Variants in DHX34 observed in about 807,000 individuals in gnomAD.
DHX34 encodes probable ATP-dependent RNA helicase DHX34.
DHX34 carries 96 observed loss-of-function variants against 111.1 expected under a neutral mutation model. The ratio of observed to expected loss-of-function variants is 0.86; its 90% CI spans 0.73 to 1.02. The LOEUF is 1.02. Ranked by LOEUF, DHX34 falls within the 50% of genes least tolerant of loss-of-function variation. DHX34 has a pLI of 0.00. For missense variants in DHX34, 1,560 were observed against 1,579.9 expected, an observed-to-expected ratio of 0.99 and a Z score of 0.21; for synonymous variants, 688 against 670.4, an observed-to-expected ratio of 1.03 and a Z score of -0.41.
intron 13 of DHX34, among the ~76,000 whole-genome samples, chr19:47,379,237 G>A (rs770617531): frequency 1.4e-4 from 21 of 152,054 alleles, no homozygotes; most frequent in East Asian, 3.8e-4. Flanking sequence ...TACCATCCCC[G>A]GTCCCCAAAC....
At chr19:47,356,650 A>G (rs1568395110) in intron 3 of DHX34, among the ~76,000 whole-genome samples, 6 of 151,404 alleles carry the variant, frequency 4.0e-5, no homozygotes, top group Non-Finnish European at 8.8e-5. Flanking sequence ...AAGAAAGAAA[A>G]GAAAGAGAGA....
chr19:47,360,547 C>A (rs553936995), intron 5 of DHX34, among the ~76,000 whole-genome samples: 3 of 150,452 alleles, frequency 2.0e-5, no homozygotes, highest in Non-Finnish European at 3.0e-5. Flanking sequence ...GACGCCCTCA[C>A]CTCATTTCAG....
intron 16 of DHX34, 111 bp downstream of exon 16, chr19:47,381,435 C>G (rs1958478184): frequency 1.4e-6 from 2 of 1,441,698 alleles, no homozygotes; most frequent in African/African-American, 2.9e-5. Context: ...CTGACGACCT[C>G]CACCCGCTGG....
At chr19:47,369,554 A>C (rs1360847424) in intron 7 of DHX34, among the ~76,000 whole-genome samples, 3 of 152,202 alleles carry the variant, frequency 2.0e-5, no homozygotes, top group Non-Finnish European at 4.4e-5. Flanking sequence ...CACATGTAAC[A>C]GGGGAGATGG....
intron 13 of DHX34, 200 bp from the exon 14 acceptor site, chr19:47,379,510 C>T (rs1970280882): frequency 1.1e-6 from 1 of 900,426 alleles, no homozygotes; most frequent in Non-Finnish European, 1.3e-6. Flanking sequence ...AGCCCCCTTC[C>T]CTGACTCAGC....
chr19:47,362,128 G>A (rs1014972245), intron 5 of DHX34, among the ~76,000 whole-genome samples: 2 of 151,866 alleles, frequency 1.3e-5, no homozygotes, highest in African/African-American at 4.8e-5. Flanking sequence ...TTAGCCGGGT[G>A]TGTTGGTGTG....
chr19:47,371,250 G>A (rs1270639724), intron 7 of DHX34, among the ~76,000 whole-genome samples: 2 of 152,208 alleles, frequency 1.3e-5, no homozygotes, highest in African/African-American at 2.4e-5. Context: ...CCTGAGGGCT[G>A]GGGGCAGGTG....
chr19:47,379,320 T>C (rs1222824235), intron 13 of DHX34, among the ~76,000 whole-genome samples: 2 of 151,724 alleles, frequency 1.3e-5, no homozygotes, highest in Non-Finnish European at 3.0e-5. Context: ...CAACATCTTA[T>C]GAGCCACAGC....
chr19:47,366,546 G>T (rs1213074591), intron 6 of DHX34, among the ~76,000 whole-genome samples: 1 of 151,572 alleles, frequency 6.6e-6, no homozygotes, highest in African/African-American at 2.4e-5. Context: ...CTCCCAAAGT[G>T]CTAGGATTAC....
Position 47,357,997 on chromosome 19 carries a change from C to T in DHX34, c.1149C>T (p.Val383=), listed in dbSNP as rs1239279308. ...CTGAGGAGCGGGGTGACCTCCTCGT[C>T]TTCCTCAGCGGCATGGCGGAGATCA... ...YPPEERGDLL[V]FLSGMAEISA... The change falls in exon 4 of 17, where the codon GTC becomes GTT. Residue 383 remains valine, a synonymous_variant. Transcript: ENST00000328771. The T allele has an allele frequency of 6.2e-7, 1 of 1,613,888 alleles. No homozygotes were observed. Among genetic ancestry groups the T allele is most frequent in the East Asian group, 2.2e-5 (1 of 44,890 alleles).
At chr19:47,378,570 C>T (rs1311385641) in intron 13 of DHX34, among the ~76,000 whole-genome samples, 6 of 152,220 alleles carry the variant, frequency 3.9e-5, no homozygotes, top group African/African-American at 1.4e-4. Flanking sequence ...CAGCTCACAC[C>T]TGGAATCCCA....
In DHX34 at chr19:47,352,895, A is replaced by G. The variant is rs971854050; in HGVS notation, c.-136A>G. On this transcript the variant is annotated 5_prime_UTR_variant, in exon 2 of 17. Coordinates refer to ENST00000328771, the MANE Select transcript of DHX34 (RefSeq NM_014681.6). ...GTGGTGGTCCTGTGCCGTGACCAGG[A>G]GGAAAAATTAGCTCTTTGAAGAGAA... 18 of 1,443,118 alleles carry G rather than the reference A, an allele frequency of 1.2e-5. No homozygotes were observed. The highest frequency in any genetic ancestry group is 2.8e-5 in the Admixed American group (1 of 35,334). 89.4% of individuals were successfully genotyped at this position (1,443,118 alleles called of 1,614,324 possible). A position where few individuals can be genotyped will look rare whatever the true frequency, so the allele number is the denominator to read the frequency against.
rs753087064 is a variant in DHX34 at position 47,362,744 on chromosome 19, G to A, written c.1593+51G>A. The A allele has an allele frequency of 4.0e-6, 6 of 1,482,618 alleles. No individual in the cohort carries two copies. In the African/African-American group the frequency reaches 8.6e-5, roughly 21 times the overall value. 91.8% of individuals were successfully genotyped at this position (1,482,618 alleles called of 1,614,324 possible). On this transcript the variant is annotated intron_variant, in intron 6 of 16. Coordinates refer to ENST00000328771, the MANE Select transcript of DHX34 (RefSeq NM_014681.6). ...ATATCCTAACTGCTGGCACAGGGAG[G>A]AACCTGGGAGGCCTTTTTTATTTTA... is the stretch of plus-strand genomic sequence containing the variant.
chr19:47,372,623 G>T lies in DHX34; in HGVS notation c.1769-107G>T, dbSNP rs973555787. ...AAGACCCTTAGTGGGCAAGATGGAGGGGGTGGGAGCAGGAGGGCAGGCGGG... is the reference window on the plus strand; with the variant it reads ...AAGACCCTTAGTGGGCAAGATGGAGTGGGTGGGAGCAGGAGGGCAGGCGGG... On this transcript the variant is annotated intron_variant, in intron 7 of 16. Transcript: ENST00000328771. The T allele has an allele frequency of 4.9e-6, 7 of 1,442,882 alleles. No individual in the cohort carries two copies. In the African/African-American group the frequency reaches 5.9e-5, roughly 12 times the overall value. 89.4% of individuals were successfully genotyped at this position (1,442,882 alleles called of 1,614,324 possible).
rs549329840 is a variant in DHX34 at position 47,375,554 on chromosome 19, G to A, written c.2153G>A (p.Arg718His). Residue 718 changes from arginine (R) to histidine (H), a missense_variant, in exon 10 of 17, where the codon CGC (arginine) becomes CAC (histidine). Coordinates refer to ENST00000328771, the MANE Select transcript of DHX34 (RefSeq NM_014681.6). ...AGTCGGTTGCAGCAGCGCCGGGAGC[G>A]CCGGGCCCTGCACCAGCTGAAACGC... is the stretch of plus-strand genomic sequence containing the variant. ...SYSRLQQRRE[R>H]RALHQLKRQH... The A allele has an allele frequency of 9.6e-5, 148 of 1,549,576 alleles. 1 individual carries two copies. The South Asian group carries it at 1.5e-3, about 16-fold the overall frequency.
At chr19:47,359,246 G>A (rs982704725) in intron 4 of DHX34, among the ~76,000 whole-genome samples, 6 of 152,100 alleles carry the variant, frequency 3.9e-5, no homozygotes, top group Non-Finnish European at 7.4e-5. Context: ...AGGATCACTC[G>A]AGCTCAGGAG....
At chr19:47,356,812 G>T (rs754394754) in intron 3 of DHX34, among the ~76,000 whole-genome samples, 1 of 151,840 alleles carries the variant, frequency 6.6e-6, no homozygotes, top group African/African-American at 2.4e-5. Flanking sequence ...AAATTAGCTC[G>T]AGTGGTGGTG....
At chr19:47,358,932 T>G (rs911235634) in intron 4 of DHX34, among the ~76,000 whole-genome samples, 1 of 152,138 alleles carries the variant, frequency 6.6e-6, no homozygotes, top group African/African-American at 2.4e-5. Context: ...AATTTTTTTT[T>G]GAATTTTAGT....
chr19:47,356,074 G>C (rs898638404), intron 3 of DHX34, among the ~76,000 whole-genome samples: 6 of 152,108 alleles, frequency 3.9e-5, no homozygotes, highest in Non-Finnish European at 8.8e-5. Flanking sequence ...CGTGGGGGCT[G>C]TCCTGTGCAT....
Sources: gnomAD v4.1 joint callset for allele counts (sites outside exome capture counted in the v4.1 genomes callset) on GRCh38, gnomAD v4.1.1 for gene constraint, MANE v1.5 for transcripts, NCBI Gene and HGNC (gene_info 2026-07-23, HGNC 2026-07-21) for gene names.